Variants in CYP7B1 observed in about 807,000 individuals in gnomAD.
CYP7B1 encodes the protein cytochrome P450 7B1.
Under a neutral mutation model 42.7 loss-of-function variants are expected in CYP7B1, and 29 were observed. The ratio of observed to expected loss-of-function variants is 0.68; its 90% confidence interval spans 0.51 to 0.93. The LOEUF (loss-of-function observed/expected upper bound fraction) is 0.93. Among genes scored for constraint, CYP7B1 ranks in the 40% least tolerant of loss-of-function variants. The pLI is 0.00. For synonymous variants in CYP7B1, 235 were observed against 218.2 expected, an observed-to-expected ratio of 1.08 and a Z score of -0.68; for missense variants, 655 against 600.5, an observed-to-expected ratio of 1.09 and a Z score of -0.95.
At chr8:64,795,271 C>A (rs1429404219) in intron 1 of CYP7B1, among the ~76,000 whole-genome samples, 1 of 152,122 alleles carries the variant, frequency 6.6e-6, no homozygotes, top group Non-Finnish European at 1.5e-5. Context: ...TGAGAATGAG[C>A]AAAACTGACT....
intron 1 of CYP7B1, among the ~76,000 whole-genome samples, chr8:64,636,967 A>G (rs1433822264): frequency 6.6e-6 from 1 of 152,252 alleles, no homozygotes; most frequent in Non-Finnish European, 1.5e-5. Context: ...AGAGATATCA[A>G]TTCCATTAAC....
intron 1 of CYP7B1, among the ~76,000 whole-genome samples, chr8:64,775,482 A>G (rs1199805982): frequency 1.3e-5 from 2 of 152,176 alleles, no homozygotes; most frequent in South Asian, 2.1e-4. Flanking sequence ...ATTTTATTTA[A>G]GGATAGTTCT....
At chr8:64,754,778 T>C (rs1807782777) in intron 1 of CYP7B1, among the ~76,000 whole-genome samples, 2 of 152,124 alleles carry the variant, frequency 1.3e-5, no homozygotes, top group Non-Finnish European at 2.9e-5. Flanking sequence ...AGAGGAGTGA[T>C]ATGTTGAGAA....
intron 1 of CYP7B1, among the ~76,000 whole-genome samples, chr8:64,630,753 G>T (rs1282304213): frequency 6.6e-6 from 1 of 152,212 alleles, no homozygotes; most frequent in Non-Finnish European, 1.5e-5. Flanking sequence ...AACTATCTTT[G>T]TTTAGAAGCA....
At chr8:64,774,480 G>A (rs757566054) in intron 1 of CYP7B1, among the ~76,000 whole-genome samples, 4 of 152,246 alleles carry the variant, frequency 2.6e-5, no homozygotes, top group Admixed American at 6.5e-5. Context: ...GTTGTTACTA[G>A]TAGCCTTAAC....
At chr8:64,690,591 CA>C (rs1445439757) in intron 1 of CYP7B1, among the ~76,000 whole-genome samples, 2 of 152,068 alleles carry the variant, frequency 1.3e-5, no homozygotes, top group African/African-American at 4.8e-5. Context: ...ACATCAACAA[CA>C]AAAACTTATG....
downstream of CYP7B1, among the ~76,000 whole-genome samples, chr8:64,588,589 T>G (rs1804998101): frequency 6.6e-6 from 1 of 152,254 alleles, no homozygotes; most frequent in Admixed American, 6.5e-5. Flanking sequence ...ACTGAAGAAC[T>G]TGGTGCAAGG....
intron 1 of CYP7B1, among the ~76,000 whole-genome samples, chr8:64,797,557 T>G (rs1804723385): frequency 6.6e-6 from 1 of 152,154 alleles, no homozygotes; most frequent in African/African-American, 2.4e-5. Flanking sequence ...TCTCCAGGCA[T>G]TCTAGAAATG....
chr8:64,642,345 T>C (rs1300808292), intron 1 of CYP7B1, among the ~76,000 whole-genome samples: 1 of 152,018 alleles, frequency 6.6e-6, no homozygotes. Flanking sequence ...CTACCCAGGG[T>C]CCACCTCGTT....
intron 1 of CYP7B1, among the ~76,000 whole-genome samples, chr8:64,770,117 G>A (rs7004523): frequency 0.02 from 3,031 of 152,186 alleles, 108 homozygotes; most frequent in African/African-American, 0.068. Flanking sequence ...GAAGCAGATT[G>A]TCATCAAGCC....
At chr8:64,733,165 A>G (rs983816563) in intron 1 of CYP7B1, among the ~76,000 whole-genome samples, 1 of 152,218 alleles carries the variant, frequency 6.6e-6, no homozygotes, top group African/African-American at 2.4e-5. Flanking sequence ...ACACACATAT[A>G]TAGAGAACTC....
intron 1 of CYP7B1, among the ~76,000 whole-genome samples, chr8:64,684,978 T>A (rs1806597626): frequency 6.6e-6 from 1 of 152,182 alleles, no homozygotes. Flanking sequence ...ACACACTGAA[T>A]GTAAAATGGA....
At chr8:64,634,456 G>T (rs1445637141) in intron 1 of CYP7B1, among the ~76,000 whole-genome samples, 5 of 151,730 alleles carry the variant, frequency 3.3e-5, no homozygotes, top group Non-Finnish European at 7.4e-5. Flanking sequence ...GCACACACCT[G>T]TATTCCCAGC....
chr8:64,765,298 C>T (rs955270917), intron 1 of CYP7B1, among the ~76,000 whole-genome samples: 4 of 152,206 alleles, frequency 2.6e-5, no homozygotes, highest in African/African-American at 9.7e-5. Flanking sequence ...GTCTAGTCCA[C>T]AGACATAAAG....
intron 1 of CYP7B1, among the ~76,000 whole-genome samples, chr8:64,706,465 C>G (rs1807001155): frequency 6.6e-6 from 1 of 151,920 alleles, no homozygotes; most frequent in South Asian, 2.1e-4. Context: ...TAATCAGGAT[C>G]TTAATTCTAA....
chr8:64,685,895 T>C (rs867049662), intron 1 of CYP7B1, among the ~76,000 whole-genome samples: 19 of 21,646 alleles, frequency 8.8e-4, no homozygotes, highest in African/African-American at 2.4e-3. Context: ...GCCCCCCGCC[T>C]GGCCAGCCGT....
intron 1 of CYP7B1, among the ~76,000 whole-genome samples, chr8:64,647,621 G>A (rs534480103): frequency 6.6e-5 from 10 of 152,198 alleles, no homozygotes; most frequent in Admixed American, 6.5e-5. Context: ...GAACCAGGGG[G>A]AGCTGAGGCT....
At chr8:64,711,815 G>C (rs1490451102) in intron 1 of CYP7B1, among the ~76,000 whole-genome samples, 1 of 152,162 alleles carries the variant, frequency 6.6e-6, no homozygotes, top group Non-Finnish European at 1.5e-5. Flanking sequence ...AATCAACAAT[G>C]CTAATTGCAA....
chr8:64,668,449 T>C (rs1806316223), intron 1 of CYP7B1, among the ~76,000 whole-genome samples: 1 of 152,080 alleles, frequency 6.6e-6, no homozygotes, highest in Non-Finnish European at 1.5e-5. Flanking sequence ...TGTTTCCCAG[T>C]GGTTTAAACT....
Sources: gnomAD v4.1 joint callset for allele counts (sites outside exome capture counted in the v4.1 genomes callset) on GRCh38, gnomAD v4.1.1 for gene constraint, MANE v1.5 for transcripts, NCBI Gene and HGNC (gene_info 2026-07-23, HGNC 2026-07-21) for gene names.